KREMEN1: variants seen among roughly 807,000 people sequenced by gnomAD.
KREMEN1 encodes kremen protein 1.
In KREMEN1, 30 loss-of-function variants were observed where a neutral mutation model predicts 46.5. The ratio of observed to expected loss-of-function variants is 0.65; its 90% CI spans 0.48 to 0.88. The LOEUF (loss-of-function observed/expected upper bound fraction) is 0.88. KREMEN1 is among the 40% of genes least tolerant of loss of function. KREMEN1 has a pLI of 0.00. For synonymous variants in KREMEN1, 214 were observed against 230.6 expected (o/e 0.93, Z 0.65); for missense variants, 533 against 596.9 (o/e 0.89, Z 1.11).
At chr22:29,075,126 C>T (rs2037546428) in intron 1 of KREMEN1, among the ~76,000 whole-genome samples, 1 of 152,164 alleles carries the variant, frequency 6.6e-6, no homozygotes, top group Non-Finnish European at 1.5e-5. Context: ...TTTTATGGGA[C>T]TTCTACAGTA....
chr22:29,095,150 A>C (rs969283204), intron 2 of KREMEN1, among the ~76,000 whole-genome samples: 1 of 152,128 alleles, frequency 6.6e-6, no homozygotes, highest in African/African-American at 2.4e-5. Flanking sequence ...GAAGCTGCCT[A>C]CATTGTTGTG....
rs73393086 is a variant in KREMEN1 at position 29,145,716 on chromosome 22, C to T, written c.*3604C>T. ...GAGTGACTTCACCCGCCCTGTCCCC[C>T]ACGTCAGGACAGGCTTGAGGCCTCT... On this transcript the variant is annotated 3_prime_UTR_variant, in exon 9 of 9. Coordinates refer to ENST00000400335, the MANE Select transcript of KREMEN1 (RefSeq NM_001039570.3). 16,848 of 985,480 alleles carry T rather than the reference C, an allele frequency of 0.017. 2,171 individuals carry two copies. The African/African-American group carries it at 0.27, about 16-fold the overall frequency. The allele number at this position is 985,480 out of a possible 1,614,324, so 61.0% of individuals were successfully genotyped here.
rs746596870 is a variant in KREMEN1 at position 29,138,762 on chromosome 22, A to G, written c.1103A>G (p.His368Arg). 1 of 1,614,130 alleles carries G rather than the reference A, an allele frequency of 6.2e-7. No individual in the cohort carries two copies. The highest frequency in any genetic ancestry group is 1.7e-5 in the Admixed American group (1 of 60,014). ...TATGTCATCACCACCAGCCCCAGCC[A>G]CCCACCTCAGACTGTCCCAGGTAGC... ...VLYVITTSPS[H>R]PPQTVPGWTV... The change falls in exon 7 of 9, where the codon CAC (histidine) becomes CGC (arginine). Residue 368 changes from histidine (H) to arginine (R), a missense_variant. His to Arg is a conservative substitution (Grantham distance 29). Transcript: ENST00000400335.
Position 29,144,086 on chromosome 22 carries a change from G to C in KREMEN1, c.*1974G>C. The C allele has an allele frequency of 1.0e-6, 1 of 985,554 alleles. No individual in the cohort carries two copies. The highest frequency in any genetic ancestry group is 1.2e-6 in the Non-Finnish European group (1 of 830,006). The allele number at this position is 985,554 out of a possible 1,614,324, so 61.1% of individuals were successfully genotyped here. A position where few individuals can be genotyped will look rare whatever the true frequency, so the allele number is the denominator to read the frequency against. ...AAGCAGCCTGTGCCTCTGCTGGCCA[G>C]GCCTAGGCCCTCGTCAGAGCGTGCC... On this transcript the variant is annotated 3_prime_UTR_variant, in exon 9 of 9. Transcript: ENST00000400335.
chr22:29,138,712 C>T lies in KREMEN1; in HGVS notation c.1053C>T (p.Ser351=), dbSNP rs770327479. 1.2e-5 allele frequency: 19 copies of T among 1,614,100 alleles called. No homozygotes were observed. The highest frequency in any genetic ancestry group is 4.5e-5 in the East Asian group (2 of 44,892). Residue 351 remains serine (S), a synonymous_variant, in exon 7 of 9, where the codon AGC becomes AGT. Coordinates refer to ENST00000400335, the MANE Select transcript of KREMEN1 (RefSeq NM_001039570.3). ...CGGAGCAGGCCAACCTCAGTGTCAGCGCTGCCCGGTCCTCCAAAGTCCTCT... is the reference window on the plus strand; with the variant it reads ...CGGAGCAGGCCAACCTCAGTGTCAGTGCTGCCCGGTCCTCCAAAGTCCTCT... ...VITEQANLSV[S]AARSSKVLYV...
In KREMEN1 at chr22:29,129,166, T is replaced by G. The variant is rs140791604; in HGVS notation, c.631+3750T>G. On this transcript the variant is annotated intron_variant, in intron 5 of 8. Transcript: ENST00000400335. ...TTGCTCTGCTGAGAAAGGTACAAAA[T>G]GCAGCACTGTATAAATAATCTCTAA... Among the ~76,000 whole-genome samples, 208 of 152,160 alleles carry G rather than the reference T, an allele frequency of 1.4e-3. 2 individuals carry two copies. The highest frequency in any genetic ancestry group is 6.2e-3 in the East Asian group (32 of 5,186).
At chr22:29,126,083 G>A (rs1490227024) in intron 5 of KREMEN1, among the ~76,000 whole-genome samples, 2 of 148,192 alleles carry the variant, frequency 1.3e-5, no homozygotes, top group African/African-American at 5.0e-5. Context: ...ACAGCGCTGT[G>A]CAGCACCAGA....
chr22:29,096,826 A>G lies in KREMEN1; in HGVS notation c.261-2036A>G, dbSNP rs186601209. Among the ~76,000 whole-genome samples the G allele has an allele frequency of 1.2e-4, 18 of 152,344 alleles. 1 individual carries two copies. The highest frequency in any genetic ancestry group is 3.9e-4 in the Admixed American group (6 of 15,308). ...CACCGAATAGAGGGAGGAAAATGAC[A>G]ATGAAATACTGTTTAAAGAAGGGCT... On this transcript the variant is annotated intron_variant, in intron 2 of 8. Coordinates refer to ENST00000400335, the MANE Select transcript of KREMEN1 (RefSeq NM_001039570.3).
intron 5 of KREMEN1, among the ~76,000 whole-genome samples, chr22:29,134,545 G>T (rs1203849674): frequency 1.3e-5 from 2 of 151,224 alleles, no homozygotes; most frequent in Non-Finnish European, 2.9e-5. Context: ...TCTGTAGATT[G>T]TTTTAACAAT....
intron 1 of KREMEN1, among the ~76,000 whole-genome samples, chr22:29,083,248 G>A (rs1663049022): frequency 6.6e-6 from 1 of 152,148 alleles, no homozygotes; most frequent in Non-Finnish European, 1.5e-5. Flanking sequence ...CATCAGCAAA[G>A]TATAATAGAA....
intron 3 of KREMEN1, among the ~76,000 whole-genome samples, chr22:29,111,254 G>A (rs1423483630): frequency 4.6e-5 from 7 of 150,964 alleles, no homozygotes; most frequent in Non-Finnish European, 1.0e-4. Context: ...ACTGCAGTGA[G>A]TATGATTGTA....
intron 3 of KREMEN1, among the ~76,000 whole-genome samples, chr22:29,104,150 A>T (rs1329895238): frequency 6.6e-6 from 1 of 151,138 alleles, no homozygotes; most frequent in African/African-American, 2.4e-5. Flanking sequence ...GATTAACCTA[A>T]ATTGTAATTT....
chr22:29,094,173 A>ATT, intron 1 of KREMEN1, 85 bp from the exon 2 acceptor site: 12 of 1,229,756 alleles, frequency 9.8e-6, no homozygotes, highest in Non-Finnish European at 1.4e-5. Context: ...AGCTTGGTCC[A>ATT]AACAAAACAA....
At chr22:29,091,268 C>T (rs903405958) in intron 1 of KREMEN1, among the ~76,000 whole-genome samples, 7 of 152,110 alleles carry the variant, frequency 4.6e-5, no homozygotes, top group African/African-American at 1.7e-4. Context: ...CCACTGTGCC[C>T]GGCCATGGAT....
intron 1 of KREMEN1, among the ~76,000 whole-genome samples, chr22:29,076,918 A>G (rs534059336): frequency 1.9e-4 from 29 of 152,346 alleles, no homozygotes; most frequent in African/African-American, 7.0e-4. Context: ...TCTTAAAGCA[A>G]GAAAGCATTC....
chr22:29,087,586 C>T (rs1297111401), intron 1 of KREMEN1, among the ~76,000 whole-genome samples: 15 of 148,724 alleles, frequency 1.0e-4, no homozygotes, highest in African/African-American at 3.0e-4. Context: ...TTTTTTTTGA[C>T]GGAATTTTAC....
At chr22:29,159,944 A>G (rs2038995746) in intron 9 of KREMEN1, among the ~76,000 whole-genome samples, 1 of 152,196 alleles carries the variant, frequency 6.6e-6, no homozygotes, top group African/African-American at 2.4e-5. Context: ...TCTTAGCCCC[A>G]TAATAGTGGA....
rs2037904694 is a variant in KREMEN1 at position 29,097,857 on chromosome 22, T to C, written c.261-1005T>C. The stretch of plus-strand genomic sequence containing the variant: ...TTTCAAAACATGGAATTATGTCATC[T>C]ATTGGGTTTTATAACTGCCTCTTTA... On this transcript the variant is annotated intron_variant, in intron 2 of 8. Coordinates refer to ENST00000400335, the MANE Select transcript of KREMEN1 (RefSeq NM_001039570.3). Among the ~76,000 whole-genome samples the C allele has an allele frequency of 2.0e-5, 3 of 152,088 alleles. No individual in the cohort carries two copies. The South Asian group carries it at 6.2e-4, about 32-fold the overall frequency.
intron 4 of KREMEN1, among the ~76,000 whole-genome samples, chr22:29,122,938 C>T (rs2038378622): frequency 5.1e-5 from 3 of 58,826 alleles, no homozygotes; most frequent in African/African-American, 5.8e-5. Context: ...GAGACTCTGT[C>T]TCAAAAAAAA....
Sources: allele counts gnomAD v4.1 joint callset (sites outside exome capture counted in the v4.1 genomes callset), GRCh38; gene constraint gnomAD v4.1.1; transcripts MANE v1.5; gene names NCBI Gene and HGNC (gene_info 2026-07-23, HGNC 2026-07-21).